Variants in CNBD2 observed in about 807,000 individuals in gnomAD.
CNBD2 encodes cyclic nucleotide binding domain containing 2.
In CNBD2, 64 loss-of-function variants were observed where a neutral mutation model predicts 63.7. The observed-to-expected ratio is 1.00, with a 90% CI of 0.82 to 1.24. CNBD2 has a LOEUF of 1.24. Among genes scored for constraint, CNBD2 ranks in the 50% most tolerant of loss-of-function variants. The pLI, the probability that CNBD2 is intolerant of heterozygous loss-of-function variation, is 0.00. For missense variants in CNBD2, 691 were observed against 713.5 expected (o/e 0.97, Z 0.36); for synonymous variants, 229 against 255.4 (o/e 0.90, Z 0.99).
chr20:35,957,404 T>A (rs981377511), downstream of CNBD2, among the ~76,000 whole-genome samples: 4 of 152,012 alleles, frequency 2.6e-5, no homozygotes, highest in African/African-American at 9.7e-5. Flanking sequence ...CTGGGCAACA[T>A]GATGAAACCC....
At position 35,975,985 on chromosome 20, in the gene CNBD2, G is replaced by T; in HGVS notation, c.226G>T (p.Asp76Tyr). Reference sequence around the variant, plus strand: ...AAGCCGAGTCACATTTGATACCATGGACTTCATTGCAGAGGAGGTATGCAT... The same window carrying T: ...AAGCCGAGTCACATTTGATACCATGTACTTCATTGCAGAGGAGGTATGCAT... The part of the protein sequence containing the change: ...MQSRVTFDTM[D>Y]FIAEEGHFPP... Residue 76 changes from aspartate to tyrosine, a missense_variant, in exon 3 of 12, where the codon GAC becomes TAC. Transcript: ENST00000373973. 6.2e-7 allele frequency: 1 copy of T among 1,613,008 alleles called. No homozygotes were observed. The highest frequency in any genetic ancestry group is 1.1e-5 in the South Asian group (1 of 90,974).
chr20:35,969,312 T>C (rs1350800390), intron 1 of CNBD2, among the ~76,000 whole-genome samples: 1 of 152,198 alleles, frequency 6.6e-6, no homozygotes. Context: ...CTTTGGATAA[T>C]GCCTGACAAT....
At chr20:35,994,578 A>T (rs1027140116) in intron 7 of CNBD2, among the ~76,000 whole-genome samples, 1 of 150,662 alleles carries the variant, frequency 6.6e-6, no homozygotes, top group Non-Finnish European at 1.5e-5. Context: ...TTTCATTTAA[A>T]AAAAAAAAAA....
At chr20:36,004,219 G>T (rs2056953932) in intron 8 of CNBD2, among the ~76,000 whole-genome samples, 1 of 152,192 alleles carries the variant, frequency 6.6e-6, no homozygotes, top group African/African-American at 2.4e-5. Context: ...GGGTTCACTG[G>T]TGGCCATCTC....
intron 9 of CNBD2, among the ~76,000 whole-genome samples, chr20:36,009,823 C>T (rs779937787): frequency 9.2e-5 from 14 of 152,156 alleles, no homozygotes; most frequent in Admixed American, 2.0e-4. Context: ...CAGAGCGAGA[C>T]TGCATCTCAA....
downstream of CNBD2, among the ~76,000 whole-genome samples, chr20:35,960,048 C>T (rs1269015514): frequency 6.6e-6 from 1 of 152,178 alleles, no homozygotes; most frequent in East Asian, 1.9e-4. Flanking sequence ...TATTTGGTCT[C>T]TGAGTTTGAA....
rs2056727475 is a variant in CNBD2, at chr20:35,990,292, A to G, written c.855+2759A>G. ...AAATTTAAAAGTGGCTTGGGTCTAT[A>G]GCTGCTACACTGCAAAGAGAATGAA... On this transcript the variant is annotated intron_variant, in intron 7 of 11. Coordinates refer to ENST00000373973, the MANE Select transcript of CNBD2 (RefSeq NM_001365709.1). Among the ~76,000 whole-genome samples, 4 of 152,320 alleles carry G rather than the reference A, an allele frequency of 2.6e-5. No individual in the cohort carries two copies. The South Asian group carries it at 8.3e-4, about 32-fold the overall frequency.
chr20:35,969,996 G>T (rs183237457), intron 1 of CNBD2, among the ~76,000 whole-genome samples: 1 of 152,018 alleles, frequency 6.6e-6, no homozygotes, highest in Admixed American at 6.6e-5. Context: ...GTTAAAAATG[G>T]TTTCACAATT....
intron 10 of CNBD2, among the ~76,000 whole-genome samples, chr20:36,017,419 A>G (rs1339525409): frequency 2.0e-5 from 3 of 151,578 alleles, no homozygotes; most frequent in Non-Finnish European, 4.4e-5. Flanking sequence ...CCTTCCCTCC[A>G]CTCACACCAG....
chr20:36,014,880 C>A (rs1234639435), intron 10 of CNBD2, among the ~76,000 whole-genome samples: 4 of 152,144 alleles, frequency 2.6e-5, no homozygotes, highest in Admixed American at 2.6e-4. Context: ...GCAATACTCC[C>A]ACCTTGGCCT....
Position 36,017,058 on chromosome 20 carries a change from CAAAAA to C in CNBD2, c.1269+5816_1269+5820del, listed in dbSNP as rs35383989. On this transcript the variant is annotated intron_variant, in intron 10 of 11. Transcript: ENST00000373973. ...TGAACAATAGAATGAGAGCCTGTCT[CAAAAA>C]AAAAAAAAAAAAAATGCAGTTGTGG... Among the ~76,000 whole-genome samples the C allele has an allele frequency of 8.6e-3, 906 of 105,434 alleles. 6 individuals are homozygous for C. Among genetic ancestry groups the C allele is most frequent in the African/African-American group, 0.028 (866 of 31,454 alleles). 69.2% of individuals were successfully genotyped at this position (105,434 alleles called of 152,430 possible). A position where few individuals can be genotyped will look rare whatever the true frequency, so the allele number is the denominator to read the frequency against.
intron 1 of CNBD2, among the ~76,000 whole-genome samples, chr20:35,970,691 C>T (rs1359031505): frequency 6.6e-6 from 1 of 152,010 alleles, no homozygotes; most frequent in East Asian, 1.9e-4. Context: ...AGCCATTGTG[C>T]CAGAGCTGTT....
At chr20:36,002,412 C>A (rs138345325) in intron 8 of CNBD2, among the ~76,000 whole-genome samples, 1 of 151,788 alleles carries the variant, frequency 6.6e-6, no homozygotes, top group Non-Finnish European at 1.5e-5. Flanking sequence ...AGAGGGAGAC[C>A]GTGGGGAGAG....
intron 10 of CNBD2, among the ~76,000 whole-genome samples, chr20:36,014,873 A>G (rs1250399629): frequency 1.3e-5 from 2 of 151,956 alleles, no homozygotes; most frequent in Non-Finnish European, 2.9e-5. Context: ...GCCTCAAGCA[A>G]TACTCCCACC....
chr20:36,027,521 T>C (rs1237485829), intron 11 of CNBD2, among the ~76,000 whole-genome samples: 1 of 152,216 alleles, frequency 6.6e-6, no homozygotes, highest in African/African-American at 2.4e-5. Context: ...TTGACGTTTT[T>C]AGTTTTAACA....
In CNBD2 at chr20:35,980,628, TGA is replaced by T; in HGVS notation, c.407+8_407+9del. 1 of 1,612,578 alleles carries T rather than the reference TGA, an allele frequency of 6.2e-7. No individual in the cohort carries two copies. Among genetic ancestry groups the T allele is most frequent in the Non-Finnish European group, 8.5e-7 (1 of 1,179,892 alleles). ...AAAGTCATGCGCTTTGAACGGTCAG[TGA>T]GGGGCACAGCCCTTGGCCACCAGGC... is the stretch of plus-strand genomic sequence containing the variant. On this transcript the variant is annotated splice_region_variant and intron_variant, in intron 4 of 11. Coordinates refer to ENST00000373973, the MANE Select transcript of CNBD2 (RefSeq NM_001365709.1).
intron 8 of CNBD2, among the ~76,000 whole-genome samples, chr20:35,997,951 C>G (rs137956087): frequency 6.6e-6 from 1 of 151,996 alleles, no homozygotes; most frequent in Non-Finnish European, 1.5e-5. Flanking sequence ...TCTTCTTTGA[C>G]CCATGGAATA....
At chr20:35,985,348 T>C (rs907338148) in intron 6 of CNBD2, among the ~76,000 whole-genome samples, 1 of 151,800 alleles carries the variant, frequency 6.6e-6, no homozygotes, top group African/African-American at 2.4e-5. Context: ...CTATTATTTG[T>C]AGAGATGGAA....
chr20:35,993,033 TG>T (rs1299233940), intron 7 of CNBD2, among the ~76,000 whole-genome samples: 1 of 152,050 alleles, frequency 6.6e-6, no homozygotes, highest in Non-Finnish European at 1.5e-5. Context: ...AGTTTATCAC[TG>T]GGGGACACAT....
Sources: allele counts gnomAD v4.1 joint callset (sites outside exome capture counted in the v4.1 genomes callset), GRCh38; gene constraint gnomAD v4.1.1; transcripts MANE v1.5; gene names NCBI Gene and HGNC (gene_info 2026-07-23, HGNC 2026-07-21).